Variants in PHACTR1 observed in about 807,000 individuals in gnomAD.
PHACTR1 encodes RPEL repeat containing 1.
Under a neutral mutation model 69.2 loss-of-function variants are expected in PHACTR1, and 16 were observed. The ratio of observed to expected loss-of-function variants is 0.23; its 90% confidence interval spans 0.16 to 0.35. The LOEUF (loss-of-function observed/expected upper bound fraction) is 0.35, where lower values mean the gene tolerates loss of function less well. Among genes scored for constraint, PHACTR1 ranks in the 10% least tolerant of loss-of-function variants. The pLI, the probability that PHACTR1 is intolerant of heterozygous loss-of-function variation, is 1.00. For missense variants in PHACTR1, 510 were observed against 734.7 expected, an observed-to-expected ratio of 0.69 and a Z score of 3.54; for synonymous variants, 312 against 284.5, an observed-to-expected ratio of 1.10 and a Z score of -0.97.
intron 5 of PHACTR1, among the ~76,000 whole-genome samples, chr6:13,114,627 C>A (rs1817540904): frequency 6.6e-6 from 1 of 152,172 alleles, no homozygotes; most frequent in Non-Finnish European, 1.5e-5. Context: ...ATTTTTGCCA[C>A]CTACTCTCCT....
chr6:12,765,511 A>G (rs1400191005), intron 4 of PHACTR1, among the ~76,000 whole-genome samples: 2 of 152,160 alleles, frequency 1.3e-5, no homozygotes, highest in Non-Finnish European at 2.9e-5. Context: ...GACCAAACTT[A>G]TTGGATTTCT....
chr6:12,751,078 C>T (rs566970451), intron 4 of PHACTR1, among the ~76,000 whole-genome samples: 2 of 152,120 alleles, frequency 1.3e-5, no homozygotes, highest in Non-Finnish European at 2.9e-5. Flanking sequence ...TGAGAAGTTT[C>T]GACAAAAGAG....
chr6:13,190,042 T>TA lies in PHACTR1; in HGVS notation c.664+7360dup, dbSNP rs1554150970. Reference sequence around the variant, plus strand: ...CTTCTGCTTTTTTTTTTTTTTTTTTTAAAACAGTTTCTACTCCGTCGCCCA... The same window carrying TA: ...CTTCTGCTTTTTTTTTTTTTTTTTTTAAAAACAGTTTCTACTCCGTCGCCCA... On this transcript the variant is annotated intron_variant, in intron 7 of 14. Coordinates refer to ENST00000332995, the MANE Select transcript of PHACTR1 (RefSeq NM_030948.6). Among the ~76,000 whole-genome samples, 95 of 146,674 alleles carry TA rather than the reference T, an allele frequency of 6.5e-4. No homozygotes were observed. In the East Asian group the frequency reaches 0.013, roughly 20 times the overall value.
At chr6:13,068,573 TC>T (rs1809024643) in intron 5 of PHACTR1, among the ~76,000 whole-genome samples, 1 of 152,206 alleles carries the variant, frequency 6.6e-6, no homozygotes, top group Non-Finnish European at 1.5e-5. Flanking sequence ...TAGGCAGTGT[TC>T]ATTTCAGTGC....
At position 13,231,105 on chromosome 6, in the gene PHACTR1, GAAA is replaced by G. The variant is rs1562037464; in HGVS notation, c.1391+913_1391+915del. ...GAAGGAAGAAGGAAGGAAGGGAAAA[GAAA>G]GAAGGAAAGAGAGAAAGAAAGAAGG... is the stretch of plus-strand genomic sequence containing the variant. On this transcript the variant is annotated intron_variant, in intron 10 of 14. Coordinates refer to ENST00000332995, the MANE Select transcript of PHACTR1 (RefSeq NM_030948.6). Among the ~76,000 whole-genome samples, 20 of 99,276 alleles carry G rather than the reference GAAA, an allele frequency of 2.0e-4. 1 individual carries two copies. The highest frequency in any genetic ancestry group is 8.3e-4 in the African/African-American group (17 of 20,450). 65.1% of individuals were successfully genotyped at this position (99,276 alleles called of 152,430 possible). A position where few individuals can be genotyped will look rare whatever the true frequency, so the allele number is the denominator to read the frequency against.
intron 4 of PHACTR1, among the ~76,000 whole-genome samples, chr6:12,976,093 A>C (rs1794847140): frequency 6.6e-6 from 1 of 152,234 alleles, no homozygotes; most frequent in African/African-American, 2.4e-5. Context: ...GAAGAGGCTT[A>C]GCAATCAATC....
At position 12,930,055 on chromosome 6, in the gene PHACTR1, T is replaced by C. The variant is rs546796414; in HGVS notation, c.251-123310T>C. On this transcript the variant is annotated intron_variant, in intron 4 of 14. Transcript: ENST00000332995. ...TGTAAACAGAAAGAACTTTTTTTTTTTTTTTAGATGGGGATCTTGCTCTGT... is the reference window on the plus strand; with the variant it reads ...TGTAAACAGAAAGAACTTTTTTTTTCTTTTTAGATGGGGATCTTGCTCTGT... Among the ~76,000 whole-genome samples, 1,002 of 152,178 alleles carry C rather than the reference T, an allele frequency of 6.6e-3. 11 individuals are homozygous for C. Among genetic ancestry groups the C allele is most frequent in the African/African-American group, 0.021 (858 of 41,500 alleles).
intron 4 of PHACTR1, among the ~76,000 whole-genome samples, chr6:12,871,014 A>G (rs1781973836): frequency 6.6e-6 from 1 of 152,208 alleles, no homozygotes; most frequent in African/African-American, 2.4e-5. Context: ...AGGCTTGTGT[A>G]GAAGTAATCT....
intron 5 of PHACTR1, among the ~76,000 whole-genome samples, chr6:13,074,835 G>A (rs1422209186): frequency 6.6e-6 from 1 of 152,150 alleles, no homozygotes; most frequent in African/African-American, 2.4e-5. Context: ...CTTCAGATAC[G>A]GAGAGGACTT....
chr6:12,893,887 C>T (rs1197647300), intron 4 of PHACTR1, among the ~76,000 whole-genome samples: 1 of 152,108 alleles, frequency 6.6e-6, no homozygotes, highest in African/African-American at 2.4e-5. Flanking sequence ...TTCTGGAACC[C>T]CTCTATGTAA....
intron 4 of PHACTR1, among the ~76,000 whole-genome samples, chr6:12,804,949 A>T (rs1418488492): frequency 2.0e-5 from 3 of 152,242 alleles, no homozygotes; most frequent in Non-Finnish European, 4.4e-5. Context: ...TATACTAGTG[A>T]TTACCACTAC....
chr6:12,837,472 G>T (rs984496625), intron 4 of PHACTR1, among the ~76,000 whole-genome samples: 3 of 152,032 alleles, frequency 2.0e-5, no homozygotes, highest in African/African-American at 7.2e-5. Context: ...TAAAGGCATT[G>T]TCTCATCAGT....
At chr6:12,981,866 G>A (rs554257451) in intron 4 of PHACTR1, among the ~76,000 whole-genome samples, 2 of 152,212 alleles carry the variant, frequency 1.3e-5, no homozygotes, top group South Asian at 2.1e-4. Flanking sequence ...TATTCCCAGG[G>A]TCTAGATCAG....
intron 7 of PHACTR1, among the ~76,000 whole-genome samples, chr6:13,205,160 G>A (rs1201967099): frequency 1.3e-5 from 2 of 152,176 alleles, no homozygotes; most frequent in Non-Finnish European, 2.9e-5. Context: ...AGGGGAGCTG[G>A]TGTGTGCAGA....
intron 4 of PHACTR1, among the ~76,000 whole-genome samples, chr6:12,854,926 G>A (rs1015013424): frequency 2.0e-5 from 3 of 152,158 alleles, no homozygotes; most frequent in African/African-American, 7.2e-5. Context: ...GGGAATATAC[G>A]TTGTTGGTGG....
In PHACTR1 at chr6:13,179,699, TAGAGATAG is replaced by T. The variant is rs1471675745; in HGVS notation, c.497-2818_497-2811del. Among the ~76,000 whole-genome samples, 1 of 96,144 alleles carries T rather than the reference TAGAGATAG, an allele frequency of 1.0e-5. No individual in the cohort carries two copies. The highest frequency in any genetic ancestry group is 2.2e-5 in the Non-Finnish European group (1 of 44,892). The allele number at this position is 96,144 out of a possible 152,430, so 63.1% of individuals were successfully genotyped here. Reference sequence around the variant, plus strand: ...GTAGGTAGGTAGATAGATAAGTAGATAGAGATAGATAGATAGATAGATAGATAGATAGA... The same window carrying T: ...GTAGGTAGGTAGATAGATAAGTAGATATAGATAGATAGATAGATAGATAGA... On this transcript the variant is annotated intron_variant, in intron 6 of 14. Coordinates refer to ENST00000332995, the MANE Select transcript of PHACTR1 (RefSeq NM_030948.6). The surrounding 1 kb of genome is among the most constrained non-coding windows in gnomAD (Gnocchi z 4.2).
At chr6:12,924,220 A>T (rs1178403728) in intron 4 of PHACTR1, among the ~76,000 whole-genome samples, 1 of 152,236 alleles carries the variant, frequency 6.6e-6, no homozygotes, top group South Asian at 2.1e-4. Flanking sequence ...GTAAATACAT[A>T]TATACATAAA....
At chr6:12,932,165 C>T (rs1215312082) in intron 4 of PHACTR1, among the ~76,000 whole-genome samples, 1 of 152,180 alleles carries the variant, frequency 6.6e-6, no homozygotes, top group Non-Finnish European at 1.5e-5. Context: ...CCTGTTTCTC[C>T]TGCCTGCTAC....
chr6:13,208,535 C>G (rs1045170021), intron 8 of PHACTR1, among the ~76,000 whole-genome samples: 15 of 152,102 alleles, frequency 9.9e-5, no homozygotes. Flanking sequence ...GAGGCTAAGC[C>G]TCCAGCCTGG....
Sources: gnomAD v4.1 joint callset for allele counts (sites outside exome capture counted in the v4.1 genomes callset) on GRCh38, gnomAD v4.1.1 for gene constraint, Gnocchi (gnomAD v3.1) non-coding constraint, MANE v1.5 for transcripts, NCBI Gene and HGNC (gene_info 2026-07-23, HGNC 2026-07-21) for gene names.